Variants in PPP4R2 observed in about 807,000 individuals in gnomAD.
PPP4R2 encodes the protein protein phosphatase 4 regulatory subunit 2, also known as serine/threonine-protein phosphatase 4 regulatory subunit 2.
A neutral mutation model predicts 47.2 loss-of-function variants in PPP4R2; 13 were observed. That is an observed-to-expected ratio of 0.28 (90% CI 0.18 to 0.44). The LOEUF is 0.44. Among genes scored for constraint, PPP4R2 ranks in the 20% least tolerant of loss-of-function variants. The pLI is 1.00. For missense variants in PPP4R2, 421 were observed against 491.2 expected, an observed-to-expected ratio of 0.86 and a Z score of 1.35; for synonymous variants, 151 against 163.3, an observed-to-expected ratio of 0.92 and a Z score of 0.57.
intron 2 of PPP4R2, among the ~76,000 whole-genome samples, chr3:73,017,254 A>G (rs550689787): frequency 2.8e-4 from 43 of 152,124 alleles, no homozygotes; most frequent in Non-Finnish European, 4.7e-4. Flanking sequence ...GAGAGCCTTC[A>G]ATTCCTCACT....
At chr3:73,056,874 A>G (rs1702740943) in intron 3 of PPP4R2, among the ~76,000 whole-genome samples, 1 of 152,200 alleles carries the variant, frequency 6.6e-6, no homozygotes, top group Non-Finnish European at 1.5e-5. Context: ...TAGTGAGAAA[A>G]CATTAGGTTT....
chr3:73,060,716 A>G (rs1015970156), intron 4 of PPP4R2, among the ~76,000 whole-genome samples: 3 of 152,112 alleles, frequency 2.0e-5, no homozygotes, highest in African/African-American at 4.8e-5. Flanking sequence ...TGTTGATTCC[A>G]TCTGAGCTTA....
At chr3:73,026,100 T>G (rs2107264354) in intron 2 of PPP4R2, among the ~76,000 whole-genome samples, 1 of 152,334 alleles carries the variant, frequency 6.6e-6, no homozygotes, top group East Asian at 1.9e-4. Flanking sequence ...GTTATTCCCA[T>G]GATTAAAATC....
chr3:73,064,035 C>T lies in PPP4R2; in HGVS notation c.527C>T (p.Pro176Leu), dbSNP rs1312029641. The change falls in exon 7 of 9, where the codon CCA (proline) becomes CTA (leucine). Residue 176 changes from proline (P) to leucine (L), a missense_variant. Pro to Leu is a moderately conservative substitution (Grantham distance 98). Coordinates refer to ENST00000356692, the MANE Select transcript of PPP4R2 (RefSeq NM_174907.4). ...SNINGPGTPRPLNRPKVSLSA... is the reference protein window; with the variant it reads ...SNINGPGTPRLLNRPKVSLSA... ...ATAAATGGGCCTGGGACACCCAGGCCACTTAATCGACCAAAGGTTTCTTTG... is the reference window on the plus strand; with the variant it reads ...ATAAATGGGCCTGGGACACCCAGGCTACTTAATCGACCAAAGGTTTCTTTG... 13 of 1,611,958 alleles carry T rather than the reference C, an allele frequency of 8.1e-6. No homozygotes were observed. In the South Asian group the frequency reaches 1.3e-4, roughly 16 times the overall value.
intron 2 of PPP4R2, among the ~76,000 whole-genome samples, chr3:73,025,803 G>A (rs920762448): frequency 6.6e-6 from 1 of 152,168 alleles, no homozygotes; most frequent in African/African-American, 2.4e-5. Flanking sequence ...ATAAATCAGA[G>A]CTTTGCCTTG....
chr3:73,004,126 G>A lies in PPP4R2; in HGVS notation c.116+5968G>A, dbSNP rs1200645406. Among the ~76,000 whole-genome samples the A allele has an allele frequency of 2.0e-5, 3 of 151,966 alleles. No homozygotes were observed. In the South Asian group the frequency reaches 6.2e-4, roughly 32 times the overall value. ...GTTGGGATTACAGGCATGAGCCACT[G>A]CGCCTGGCCTGGAGTTCTTATGTGT... is the stretch of plus-strand genomic sequence containing the variant. On this transcript the variant is annotated intron_variant, in intron 2 of 8. Coordinates refer to ENST00000356692, the MANE Select transcript of PPP4R2 (RefSeq NM_174907.4).
chr3:73,035,641 T>C (rs923939330), intron 2 of PPP4R2, among the ~76,000 whole-genome samples: 9 of 152,130 alleles, frequency 5.9e-5, no homozygotes, highest in African/African-American at 2.2e-4. Context: ...TTTTCCATTT[T>C]TGAGATGGAG....
intron 2 of PPP4R2, among the ~76,000 whole-genome samples, chr3:73,019,077 G>A (rs1264852261): frequency 1.3e-5 from 2 of 152,026 alleles, no homozygotes; most frequent in African/African-American, 4.8e-5. Flanking sequence ...ATATGATGGT[G>A]GTCCTATAAT....
At chr3:73,032,313 C>T (rs1702181008) in intron 2 of PPP4R2, among the ~76,000 whole-genome samples, 1 of 149,438 alleles carries the variant, frequency 6.7e-6, no homozygotes, top group African/African-American at 2.5e-5. Context: ...GAGACGGAGT[C>T]TCGCTCTGCT....
chr3:73,043,601 C>A (rs1370307227), intron 2 of PPP4R2, among the ~76,000 whole-genome samples: 2 of 152,164 alleles, frequency 1.3e-5, no homozygotes, highest in Non-Finnish European at 2.9e-5. Flanking sequence ...ACCCAGCACT[C>A]GTTCATTATT....
At chr3:73,029,155 G>A (rs1246177508) in intron 2 of PPP4R2, among the ~76,000 whole-genome samples, 1 of 152,120 alleles carries the variant, frequency 6.6e-6, no homozygotes, top group Non-Finnish European at 1.5e-5. Flanking sequence ...TGCCCAGGCT[G>A]GTTTTGAACC....
chr3:73,040,667 C>T (rs1016771373), intron 2 of PPP4R2, among the ~76,000 whole-genome samples: 11 of 152,146 alleles, frequency 7.2e-5, no homozygotes, highest in African/African-American at 2.7e-4. Context: ...CGCTCACCAC[C>T]ATGCCTGGCT....
intron 2 of PPP4R2, among the ~76,000 whole-genome samples, chr3:73,034,611 C>T (rs887171139): frequency 2.0e-5 from 3 of 152,200 alleles, no homozygotes; most frequent in Non-Finnish European, 4.4e-5. Flanking sequence ...TAGCTCACTG[C>T]AGCCTTGAAC....
At chr3:73,034,857 A>C (rs1368141003) in intron 2 of PPP4R2, among the ~76,000 whole-genome samples, 1 of 151,842 alleles carries the variant, frequency 6.6e-6, no homozygotes, top group Non-Finnish European at 1.5e-5. Flanking sequence ...AAAAAAAAAA[A>C]AACATTTCCA....
At chr3:73,032,089 A>T (rs1263695955) in intron 2 of PPP4R2, among the ~76,000 whole-genome samples, 1 of 152,164 alleles carries the variant, frequency 6.6e-6, no homozygotes, top group Admixed American at 6.5e-5. Context: ...GACTCTTTTT[A>T]AATTGATTTT....
chr3:72,997,772 A>G (rs1259257376), intron 1 of PPP4R2, among the ~76,000 whole-genome samples: 1 of 151,994 alleles, frequency 6.6e-6, no homozygotes, highest in Admixed American at 6.6e-5. Context: ...GGGGATTTTT[A>G]TTTTCACTGG....
At chr3:73,062,725 T>C in intron 5 of PPP4R2, 2 of 1,614,016 alleles carry the variant, frequency 1.2e-6, no homozygotes, top group Non-Finnish European at 1.7e-6. Context: ...TTCAAGGCAA[T>C]GATGGCATCT....
At position 73,050,670 on chromosome 3, in the gene PPP4R2, G is replaced by T. The variant is rs183391055; in HGVS notation, c.287+3314G>T. Among the ~76,000 whole-genome samples, 7 of 152,246 alleles carry T rather than the reference G, an allele frequency of 4.6e-5. No individual in the cohort carries two copies. The East Asian group carries it at 1.4e-3, about 29-fold the overall frequency. On this transcript the variant is annotated intron_variant, in intron 3 of 8. Coordinates refer to ENST00000356692, the MANE Select transcript of PPP4R2 (RefSeq NM_174907.4). ...AGTAGAATCATGCTATATGCTAGTGGTATTTTCCTTTTAGAGAAGCTTCAA... is the reference window on the plus strand; with the variant it reads ...AGTAGAATCATGCTATATGCTAGTGTTATTTTCCTTTTAGAGAAGCTTCAA...
intron 3 of PPP4R2, among the ~76,000 whole-genome samples, chr3:73,055,378 G>C (rs937248229): frequency 6.6e-6 from 1 of 150,924 alleles, no homozygotes; most frequent in African/African-American, 2.4e-5. Flanking sequence ...TGAAGACTCA[G>C]GTAAATTCAG....
Sources: gnomAD v4.1 joint callset for allele counts (sites outside exome capture counted in the v4.1 genomes callset) on GRCh38, gnomAD v4.1.1 for gene constraint, MANE v1.5 for transcripts, NCBI Gene and HGNC (gene_info 2026-07-23, HGNC 2026-07-21) for gene names.